PRKDC: variants seen among roughly 807,000 people sequenced by gnomAD.
The protein encoded by PRKDC is DNA-dependent protein kinase catalytic subunit.
Under a neutral mutation model 486.9 loss-of-function variants are expected in PRKDC, and 82 were observed. The ratio of observed to expected loss-of-function variants is 0.17; its 90% CI spans 0.14 to 0.20. The LOEUF (loss-of-function observed/expected upper bound fraction) is 0.20, where lower values mean the gene tolerates loss of function less well. Among genes scored for constraint, PRKDC ranks in the 10% least tolerant of loss-of-function variants. PRKDC has a pLI of 1.00. For synonymous variants in PRKDC, 1,895 were observed against 1,837.0 expected (o/e 1.03, Z -0.81); for missense variants, 4,504 against 5,038.2 (o/e 0.89, Z 3.21).
At chr8:47,946,642 TTAAA>T (rs2090536350) in intron 7 of PRKDC, among the ~76,000 whole-genome samples, 1 of 152,016 alleles carries the variant, frequency 6.6e-6, no homozygotes. Context: ...ACTCCTAACT[TTAAA>T]TACTACCTAC....
At chr8:47,959,793 AG>A (rs1412757322) in intron 1 of PRKDC, among the ~76,000 whole-genome samples, 179 bp downstream of exon 1, 2 of 152,166 alleles carry the variant, frequency 1.3e-5, no homozygotes, top group Non-Finnish European at 2.9e-5. Context: ...CTCTAATACT[AG>A]GGGGTAAAAA....
At position 47,867,624 on chromosome 8, in the gene PRKDC, A is replaced by T. The variant is rs577425720; in HGVS notation, c.5364-2861T>A. ...TTGTAAAGCCATTGAGTAATTATAG[A>T]CTATCACTGGAAACATTAGAAAGGA... is the stretch of plus-strand genomic sequence containing the variant. On this transcript the variant is annotated intron_variant, in intron 40 of 85. Transcript: ENST00000314191. Among the ~76,000 whole-genome samples the T allele has an allele frequency of 6.6e-5, 10 of 152,332 alleles. No individual in the cohort carries two copies. The South Asian group carries it at 2.1e-3, about 32-fold the overall frequency.
intron 18 of PRKDC, among the ~76,000 whole-genome samples, chr8:47,929,614 T>C (rs1000451765): frequency 6.6e-6 from 1 of 152,218 alleles, no homozygotes; most frequent in Admixed American, 6.5e-5. Context: ...GACCATACTT[T>C]GAGAGGCCTT....
chr8:47,856,229 T>C (rs184080192), intron 49 of PRKDC, among the ~76,000 whole-genome samples: 1 of 150,898 alleles, frequency 6.6e-6, no homozygotes, highest in Non-Finnish European at 1.5e-5. Flanking sequence ...GGTGGGGGGG[T>C]GGTGGTGGAG....
intron 61 of PRKDC, among the ~76,000 whole-genome samples, chr8:47,830,246 C>T (rs1290012495): frequency 1.3e-5 from 2 of 152,204 alleles, no homozygotes; most frequent in African/African-American, 2.4e-5. Flanking sequence ...TTATGTAACA[C>T]GTGGTAGACA....
intron 7 of PRKDC, 21 bp downstream of exon 7, chr8:47,953,599 T>C: frequency 6.3e-7 from 1 of 1,594,068 alleles, no homozygotes; most frequent in East Asian, 2.2e-5. Flanking sequence ...ATAAAGAAAA[T>C]CAAGTGAAGC....
In PRKDC at chr8:47,944,496, A is replaced by C. The variant is rs1023186289; in HGVS notation, c.722-467T>G. ...GTAAGAAAAAAATTAAAAAAAAAAA[A>C]AAAACAGAAAAAAAAACATAGTACA... On this transcript the variant is annotated intron_variant, in intron 7 of 85. Coordinates refer to ENST00000314191, the MANE Select transcript of PRKDC (RefSeq NM_006904.7). Among the ~76,000 whole-genome samples the C allele has an allele frequency of 1.3e-4, 20 of 151,982 alleles. No individual in the cohort carries two copies. In the East Asian group the frequency reaches 2.3e-3, roughly 18 times the overall value.
intron 54 of PRKDC, among the ~76,000 whole-genome samples, chr8:47,845,314 C>T (rs1286617348): frequency 1.3e-5 from 2 of 151,794 alleles, no homozygotes; most frequent in Non-Finnish European, 2.9e-5. Context: ...AATTGTGATC[C>T]AAAAATCTAC....
chr8:47,890,706 A>G (rs929886133), intron 31 of PRKDC, among the ~76,000 whole-genome samples: 4 of 152,198 alleles, frequency 2.6e-5, no homozygotes, highest in Admixed American at 2.0e-4. Context: ...CAAACATTAC[A>G]TGTGAGAAGA....
At chr8:47,798,528 CT>C in intron 72 of PRKDC, 131 bp from the exon 73 acceptor site, 1 of 963,386 alleles carries the variant, frequency 1.0e-6, no homozygotes, top group Non-Finnish European at 1.5e-6. Context: ...TTAACTACCA[CT>C]TTACACCAAC....
intron 22 of PRKDC, among the ~76,000 whole-genome samples, chr8:47,915,891 C>G (rs992453196): frequency 6.6e-6 from 1 of 152,210 alleles, no homozygotes; most frequent in African/African-American, 2.4e-5. Context: ...CACACCAAAA[C>G]TGAACCAGCG....
At chr8:47,897,367 C>T in intron 29 of PRKDC, 73 bp from the exon 30 acceptor site, 1 of 1,374,426 alleles carries the variant, frequency 7.3e-7, no homozygotes, top group Non-Finnish European at 9.7e-7. Context: ...CTCTAGAAAT[C>T]ATAAACTCAT....
chr8:47,831,014 G>T (rs1006866362), intron 60 of PRKDC, among the ~76,000 whole-genome samples: 3 of 152,204 alleles, frequency 2.0e-5, no homozygotes, highest in African/African-American at 7.2e-5. Flanking sequence ...TTAAAAACCG[G>T]CTGGAGAGCT....
intron 54 of PRKDC, among the ~76,000 whole-genome samples, chr8:47,844,571 AT>A (rs1407248346): frequency 6.6e-6 from 1 of 152,172 alleles, no homozygotes; most frequent in East Asian, 1.9e-4. Context: ...TCCACCTAAT[AT>A]ACCAGAATAT....
Position 47,880,791 on chromosome 8 carries a change from C to T in PRKDC, c.5067+625G>A, listed in dbSNP as rs549043276. ...GTTCTAGGCCGGGTGTGGTGGCTCA[C>T]ACCTGTAACCCCAGCACTTTGGGAG... On this transcript the variant is annotated intron_variant, in intron 38 of 85. Coordinates refer to ENST00000314191, the MANE Select transcript of PRKDC (RefSeq NM_006904.7). Among the ~76,000 whole-genome samples the T allele has an allele frequency of 1.5e-4, 23 of 152,152 alleles. No individual in the cohort carries two copies. In the South Asian group the frequency reaches 4.4e-3, roughly 29 times the overall value.
rs756695683 is a variant in PRKDC, at chr8:47,796,348, AAAAT to A, written c.10459-1851_10459-1848del. ...CGAGACTCCGTCACCAAAAAAATAA[AAAAT>A]AAATAAATAAATAAAAATAAAATCA... On this transcript the variant is annotated intron_variant, in intron 73 of 85. Transcript: ENST00000314191. Among the ~76,000 whole-genome samples the A allele has an allele frequency of 1.6e-3, 237 of 152,174 alleles. 1 individual carries two copies. Among genetic ancestry groups the A allele is most frequent in the African/African-American group, 1.1e-3 (46 of 41,526 alleles).
At position 47,888,623 on chromosome 8, in the gene PRKDC, C is replaced by A. The variant is rs781650863; in HGVS notation, c.4308G>T (p.Leu1436Phe). The A allele has an allele frequency of 1.3e-6, 2 of 1,594,108 alleles. No homozygotes were observed. The highest frequency in any genetic ancestry group is 2.3e-5 in the South Asian group (2 of 87,046). The change falls in exon 34 of 86, where the codon TTG becomes TTT. Residue 1436 changes from leucine to phenylalanine, a missense_variant. Physicochemically the swap from Leu to Phe is conservative, Grantham distance 22 (BLOSUM62 0). Around this residue, in one of 6 missense-constraint regions of PRKDC, gnomAD observed 1,969 missense variants for 2,068.9 expected, o/e 0.95. Coordinates refer to ENST00000314191, the MANE Select transcript of PRKDC (RefSeq NM_006904.7). ...TGTCCACTTGCGCGTCAGGGCCATACAAGTTGACGGCACAAAGCTCCTCAA... is the reference window on the plus strand; with the variant it reads ...TGTCCACTTGCGCGTCAGGGCCATAAAAGTTGACGGCACAAAGCTCCTCAA... ...QSIEELCAVN[L>F]YGPDAQVDRS...
chr8:47,882,018 G>A lies in PRKDC; in HGVS notation c.4856C>T (p.Ala1619Val), dbSNP rs56182356. Residue 1619 changes from alanine (A) to valine (V), a missense_variant, in exon 37 of 86, where the codon GCG becomes GTG. By Grantham distance (64) the Ala-to-Val change is moderately conservative. Around this residue, in one of 6 missense-constraint regions of PRKDC, gnomAD observed 1,969 missense variants for 2,068.9 expected, o/e 0.95. Coordinates refer to ENST00000314191, the MANE Select transcript of PRKDC (RefSeq NM_006904.7). ...ANQKHQGLKL[A>V]TTILQHWKKC... is the part of the protein sequence containing the mutation. ...CTTCCAGTGTTGCAGAATTGTAGTCGCAAGTTTCAGTCCTTGGTGTTTCTG... is the reference window on the plus strand; with the variant it reads ...CTTCCAGTGTTGCAGAATTGTAGTCACAAGTTTCAGTCCTTGGTGTTTCTG... 1.7e-5 allele frequency: 27 copies of A among 1,613,870 alleles called. No homozygotes were observed. The highest frequency in any genetic ancestry group is 1.2e-4 in the Admixed American group (7 of 60,002).
In PRKDC at chr8:47,914,058, G is replaced by A. The variant is rs2089950718; in HGVS notation, c.2624C>T (p.Ser875Phe). 6.7e-7 allele frequency: 1 copy of A among 1,491,844 alleles called. No homozygotes were observed. Among genetic ancestry groups the A allele is most frequent in the Admixed American group, 2.3e-5 (1 of 42,926 alleles). The allele number at this position is 1,491,844 out of a possible 1,614,324, so 92.4% of individuals were successfully genotyped here. A position where few individuals can be genotyped will look rare whatever the true frequency, so the allele number is the denominator to read the frequency against. ...ATAGCTCTTCATCATCTCATCTGAG[G>A]ACGTGACTGTTAGAAAAGATTTAAG... ...QINKNLLTVTSSDEMMKSYVA... is the reference protein window; with the variant it reads ...QINKNLLTVTFSDEMMKSYVA... The change falls in exon 24 of 86, where the codon TCC becomes TTC. Residue 875 changes from serine (S) to phenylalanine (F), a missense_variant. Ser to Phe is a radical substitution (Grantham distance 155). Coordinates refer to ENST00000314191, the MANE Select transcript of PRKDC (RefSeq NM_006904.7).
Sources: gnomAD v4.1 joint callset for allele counts (sites outside exome capture counted in the v4.1 genomes callset) on GRCh38, gnomAD v4.1.1 for gene constraint, gnomAD v4.1.1 regional missense constraint, MANE v1.5 for transcripts, NCBI Gene and HGNC (gene_info 2026-07-23, HGNC 2026-07-21) for gene names.